Variants in LRRC37A3 observed in about 807,000 individuals in gnomAD.
LRRC37A3 encodes the protein leucine-rich repeat-containing protein 37A3.
LRRC37A3 carries 25 observed loss-of-function variants against 106.2 expected under a neutral mutation model. The observed-to-expected ratio is 0.24, with a 90% CI of 0.17 to 0.33. LRRC37A3 has a LOEUF of 0.33. LRRC37A3 is among the 10% of genes least tolerant of loss of function. The pLI, the probability that LRRC37A3 is intolerant of heterozygous loss-of-function variation, is 1.00. For missense variants in LRRC37A3, 712 were observed against 1,644.9 expected (o/e 0.43, Z 9.81); for synonymous variants, 305 against 635.8 (o/e 0.48, Z 7.83).
rs373423356 is a variant in LRRC37A3 at position 64,860,727 on chromosome 17, G to A, written c.3419C>T (p.Pro1140Leu). ...VNLDVKSLLL[P>L]FIKLPTTGNS... ...TCCTGTGGTTGGCAGTTTAATGAACGGTAGTAACAGTGATTTCACATCTAG... is the reference window on the plus strand; with the variant it reads ...TCCTGTGGTTGGCAGTTTAATGAACAGTAGTAACAGTGATTTCACATCTAG... The change falls in exon 12 of 15, where the codon CCG becomes CTG. Residue 1140 changes from proline (P) to leucine (L), a missense_variant. By Grantham distance (98) the Pro-to-Leu change is moderately conservative (BLOSUM62 -3). Transcript: ENST00000584306. The A allele has an allele frequency of 1.9e-5, 31 of 1,613,856 alleles. No homozygotes were observed. Among genetic ancestry groups the A allele is most frequent in the Admixed American group, 3.3e-5 (2 of 59,994 alleles).
Position 64,860,889 on chromosome 17 carries a change from A to G in LRRC37A3, c.3257T>C (p.Ile1086Thr), listed in dbSNP as rs1598392116. The G allele has an allele frequency of 6.2e-7, 1 of 1,614,166 alleles. No homozygotes were observed. Among genetic ancestry groups the G allele is most frequent in the African/African-American group, 1.3e-5 (1 of 75,052 alleles). ...GTCTGAGGGCTCCTCCGGCTCAATA[A>G]TCAGCTCAGTGCTTGTGTAATTCTT... ...ARKNYTSTEL[I>T]IEPEEPSDSS... The change falls in exon 12 of 15, where the codon ATT becomes ACT. Residue 1086 changes from isoleucine (I) to threonine (T), a missense_variant. By Grantham distance (89) the Ile-to-Thr change is moderately conservative. Coordinates refer to ENST00000584306, the MANE Select transcript of LRRC37A3 (RefSeq NM_199340.5).
chr17:64,899,906 C>G lies in LRRC37A3; in HGVS notation c.-495-1447G>C, dbSNP rs1251853263. On this transcript the variant is annotated intron_variant, in intron 2 of 14. Coordinates refer to ENST00000584306, the MANE Select transcript of LRRC37A3 (RefSeq NM_199340.5). ...TAGGAAAAGCCCCGGAAATACCCTG[C>G]ACTCAAAAAGCAGTTTCAGAGTTTC... 4 of 150,800 alleles carry G rather than the reference C, an allele frequency of 2.7e-5. No individual in the cohort carries two copies. In the East Asian group the frequency reaches 7.8e-4, roughly 29 times the overall value. The allele number at this position is 150,800 out of a possible 1,614,324, so 9.3% of individuals were successfully genotyped here.
chr17:64,918,989 C>T, intron 1 of LRRC37A3, 119 bp from the exon 2 acceptor site: 1 of 1,217,738 alleles, frequency 8.2e-7, no homozygotes, highest in Non-Finnish European at 1.0e-6. Context: ...CCCGCCTCCC[C>T]CCGGCCGGGG....
At chr17:64,880,074 A>G (rs1030244712) in intron 8 of LRRC37A3, among the ~76,000 whole-genome samples, 2 of 151,694 alleles carry the variant, frequency 1.3e-5, no homozygotes, top group African/African-American at 4.8e-5. Context: ...GCTCTTCTCC[A>G]GCTGACATTA....
At chr17:64,869,274 A>T in intron 8 of LRRC37A3, 108 bp from the exon 9 acceptor site, 1 of 1,567,992 alleles carries the variant, frequency 6.4e-7, no homozygotes, top group Non-Finnish European at 8.6e-7. Context: ...AAAAGAAAAA[A>T]ATGTTTCCTG....
chr17:64,877,447 C>T (rs1973550303), intron 8 of LRRC37A3, among the ~76,000 whole-genome samples: 1 of 152,170 alleles, frequency 6.6e-6, no homozygotes, highest in South Asian at 2.1e-4. Context: ...GGCGATCTGC[C>T]TGCCTCAGCC....
At chr17:64,863,136 G>T (rs1972932163) in intron 10 of LRRC37A3, 118 bp from the exon 11 acceptor site, 1 of 1,410,260 alleles carries the variant, frequency 7.1e-7, no homozygotes, top group Admixed American at 1.7e-5. Context: ...CCTGTGGACT[G>T]GACAGTTGGG....
At chr17:64,909,286 A>G (rs1338527535) in intron 2 of LRRC37A3, among the ~76,000 whole-genome samples, 1 of 152,212 alleles carries the variant, frequency 6.6e-6, no homozygotes, top group African/African-American at 2.4e-5. Context: ...AAAACAAAAA[A>G]CAACCTTGCT....
chr17:64,869,666 G>A (rs58772084), intron 8 of LRRC37A3, among the ~76,000 whole-genome samples: 2 of 149,912 alleles, frequency 1.3e-5, no homozygotes, highest in Non-Finnish European at 2.9e-5. Context: ...TCAGCCTTCC[G>A]AGTAGCTGGG....
intron 8 of LRRC37A3, among the ~76,000 whole-genome samples, chr17:64,880,569 G>A (rs1394658997): frequency 1.3e-5 from 2 of 152,288 alleles, no homozygotes; most frequent in East Asian, 3.9e-4. Flanking sequence ...ATCTTTATGG[G>A]AGTAAAATGT....
In LRRC37A3 at chr17:64,896,811, C is replaced by T; in HGVS notation, c.447G>A (p.Lys149=). 1.2e-6 allele frequency: 2 copies of T among 1,610,384 alleles called. No individual in the cohort carries two copies. Among genetic ancestry groups the T allele is most frequent in the Non-Finnish European group, 1.7e-6 (2 of 1,179,928 alleles). The change falls in exon 4 of 15, where the codon AAG becomes AAA. Residue 149 remains lysine (K), a synonymous_variant. Transcript: ENST00000584306. ...PQERLPVSPK[K]LKKDPAQRWS... is the part of the protein sequence containing the mutation. ...AACGCTGAGCTGGATCTTTCTTCAG[C>T]TTCTTGGGCGAAACAGGGAGCCTTT...
At chr17:64,856,419 T>C (rs1157510578) in intron 13 of LRRC37A3, among the ~76,000 whole-genome samples, 2 of 148,524 alleles carry the variant, frequency 1.3e-5, no homozygotes, top group Admixed American at 6.6e-5. Flanking sequence ...AAGGTCTCAC[T>C]ATGCTGCCCA....
chr17:64,865,263 C>A (rs1567765677), intron 10 of LRRC37A3, among the ~76,000 whole-genome samples: 2 of 152,192 alleles, frequency 1.3e-5, no homozygotes, highest in Non-Finnish European at 2.9e-5. Flanking sequence ...CCCACCTCAG[C>A]CTCCTGAGTA....
chr17:64,909,422 G>C (rs1411880968), intron 2 of LRRC37A3, among the ~76,000 whole-genome samples: 2 of 152,226 alleles, frequency 1.3e-5, no homozygotes, highest in South Asian at 2.1e-4. Flanking sequence ...GGTCATTAAA[G>C]TTTGAAAAGC....
chr17:64,868,977 A>G, intron 9 of LRRC37A3, 118 bp downstream of exon 9: 3 of 1,490,536 alleles, frequency 2.0e-6, no homozygotes, highest in Non-Finnish European at 2.7e-6. Context: ...TTTTTTCAAT[A>G]ACCCAGTTAA....
chr17:64,855,824 C>A lies in LRRC37A3; in HGVS notation c.4859+16G>T. On this transcript the variant is annotated intron_variant, in intron 14 of 14. Transcript: ENST00000584306. ...CTCAAAAGAAAAGAAAAAAAAATCACCAGACTAATATTTACCTTGAGAATC... is the reference window on the plus strand; with the variant it reads ...CTCAAAAGAAAAGAAAAAAAAATCAACAGACTAATATTTACCTTGAGAATC... 1 of 1,611,532 alleles carries A rather than the reference C, an allele frequency of 6.2e-7. No homozygotes were observed.
rs764192376 is a variant in LRRC37A3 at position 64,860,962 on chromosome 17, A to G, written c.3184T>C (p.Ser1062Pro). ...AACGCTCCTTCTGGATTCCCTACAG[A>G]TGCTTCTTCAGCTGTCAAAAAAGAA... ...TNTTHCPEEA[S>P]VGNPEGAFMK... The change falls in exon 12 of 15, where the codon TCT (serine) becomes CCT (proline). Residue 1062 changes from serine (S) to proline (P), a missense_variant. Transcript: ENST00000584306. 6.2e-7 allele frequency: 1 copy of G among 1,613,938 alleles called. No individual in the cohort carries two copies. The highest frequency in any genetic ancestry group is 1.1e-5 in the South Asian group (1 of 91,080).
intron 2 of LRRC37A3, among the ~76,000 whole-genome samples, chr17:64,917,743 G>C (rs1249197244): frequency 1.3e-5 from 2 of 152,102 alleles, no homozygotes; most frequent in Admixed American, 1.3e-4. Context: ...GAGGCCGGCG[G>C]ATTACCTGAG....
intron 2 of LRRC37A3, among the ~76,000 whole-genome samples, chr17:64,913,942 A>G (rs1974650764): frequency 6.6e-6 from 1 of 152,262 alleles, no homozygotes; most frequent in Non-Finnish European, 1.5e-5. Context: ...TTTATGAAAC[A>G]CTTTACCTAA....
Sources: allele counts gnomAD v4.1 joint callset (sites outside exome capture counted in the v4.1 genomes callset), GRCh38; gene constraint gnomAD v4.1.1; transcripts MANE v1.5; gene names NCBI Gene and HGNC (gene_info 2026-07-23, HGNC 2026-07-21).